Variants in SYT10 observed in about 807,000 individuals in gnomAD.
SYT10 encodes the protein synaptotagmin 10.
A neutral mutation model predicts 51.1 loss-of-function variants in SYT10; 31 were observed. The ratio of observed to expected loss-of-function variants is 0.61; its 90% confidence interval spans 0.46 to 0.82. The LOEUF (loss-of-function observed/expected upper bound fraction) is 0.82, where lower values mean the gene tolerates loss of function less well. Among genes scored for constraint, SYT10 ranks in the 40% least tolerant of loss-of-function variants. The pLI is 0.00. For missense variants in SYT10, 603 were observed against 634.0 expected, an observed-to-expected ratio of 0.95 and a Z score of 0.53; for synonymous variants, 233 against 225.9, an observed-to-expected ratio of 1.03 and a Z score of -0.28.
rs1591997278 is a variant in SYT10, at chr12:33,426,255, A to T, written c.392T>A (p.Ile131Lys). The change falls in exon 2 of 7, where the codon ATA becomes AAA. Residue 131 changes from isoleucine (I) to lysine (K), a missense_variant. Coordinates refer to ENST00000228567, the MANE Select transcript of SYT10 (RefSeq NM_198992.4). ...GTCAGGGGAAGTGTGGCTGATTTTT[A>T]TTGCAGGCTCAATAGCTTTTACGGC... ...KPAVKAIEPA[I>K]KISHTSPDIP... 6.2e-7 allele frequency: 1 copy of T among 1,613,968 alleles called. No individual in the cohort carries two copies. The highest frequency in any genetic ancestry group is 1.3e-5 in the African/African-American group (1 of 74,894).
intron 2 of SYT10, among the ~76,000 whole-genome samples, chr12:33,414,616 G>A (rs755975324): frequency 1.3e-5 from 2 of 152,188 alleles, no homozygotes; most frequent in Non-Finnish European, 2.9e-5. Context: ...AAATAAAGAG[G>A]TTCTTTGAAA....
chr12:33,438,128 G>A (rs900968176), intron 1 of SYT10, among the ~76,000 whole-genome samples: 1 of 152,088 alleles, frequency 6.6e-6, no homozygotes, highest in African/African-American at 2.4e-5. Context: ...TGGCTTTGAC[G>A]CAGGGGTGGT....
chr12:33,397,911 T>C (rs759986914), intron 3 of SYT10, among the ~76,000 whole-genome samples: 7 of 152,160 alleles, frequency 4.6e-5, no homozygotes, highest in South Asian at 2.1e-4. Context: ...TGGAAACCTA[T>C]TGCTTTGAGT....
intron 1 of SYT10, 44 bp from the exon 2 acceptor site, chr12:33,426,539 TAAA>T: frequency 7.1e-7 from 1 of 1,412,252 alleles, no homozygotes; most frequent in Non-Finnish European, 9.4e-7. Context: ...ATATTGTACA[TAAA>T]AAAGCAGAAA....
At position 33,376,501 on chromosome 12, in the gene SYT10, C is replaced by T; in HGVS notation, c.*329G>A. 3.7e-6 allele frequency: 1 copy of T among 270,644 alleles called. No homozygotes were observed. Among genetic ancestry groups the T allele is most frequent in the South Asian group, 6.6e-5 (1 of 15,160 alleles). The allele number at this position is 270,644 out of a possible 1,614,324, so 16.8% of individuals were successfully genotyped here. A position where few individuals can be genotyped will look rare whatever the true frequency, so the allele number is the denominator to read the frequency against. The stretch of plus-strand genomic sequence containing the variant: ...CTACTTTATACAATAGCAGCATAAA[C>T]TATATTTAATTTTAGGTAAGTATGA... On this transcript the variant is annotated 3_prime_UTR_variant, in exon 7 of 7. Coordinates refer to ENST00000228567, the MANE Select transcript of SYT10 (RefSeq NM_198992.4).
chr12:33,396,157 T>C (rs1384191312), intron 3 of SYT10, among the ~76,000 whole-genome samples: 2 of 152,162 alleles, frequency 1.3e-5, no homozygotes, highest in East Asian at 1.9e-4. Flanking sequence ...ACTTTTAAGG[T>C]AGTATGAAAA....
chr12:33,387,224 G>A (rs754503620), intron 3 of SYT10, among the ~76,000 whole-genome samples: 7 of 152,100 alleles, frequency 4.6e-5, no homozygotes, highest in African/African-American at 1.7e-4. Flanking sequence ...TCTAGAAGTC[G>A]TACAGACCAG....
intron 6 of SYT10, among the ~76,000 whole-genome samples, chr12:33,379,250 G>A (rs1758598830): frequency 6.6e-6 from 1 of 151,940 alleles, no homozygotes; most frequent in African/African-American, 2.4e-5. Context: ...TAACTTGCCC[G>A]AGGTTTCACA....
chr12:33,434,893 A>T (rs1866625679), intron 1 of SYT10, among the ~76,000 whole-genome samples: 1 of 152,234 alleles, frequency 6.6e-6, no homozygotes, highest in African/African-American at 2.4e-5. Flanking sequence ...ACAATAAACA[A>T]GCCCCTGACC....
chr12:33,396,223 C>T (rs1388993171), intron 3 of SYT10, among the ~76,000 whole-genome samples: 1 of 152,034 alleles, frequency 6.6e-6, no homozygotes, highest in Non-Finnish European at 1.5e-5. Context: ...GATCTCAGGT[C>T]ATGATTTAAG....
At position 33,379,840 on chromosome 12, in the gene SYT10, A is replaced by G. The variant is rs1315310987; in HGVS notation, c.1492T>C (p.Leu498=). The part of the protein sequence containing the change: ...HRKPITHWHP[L]LELPGRATSF... ...GGAACTCACAAGCTTACCTCCAGCAATGGGTGCCAGTGCGTTATTGGTTTT... is the reference window on the plus strand; with the variant it reads ...GGAACTCACAAGCTTACCTCCAGCAGTGGGTGCCAGTGCGTTATTGGTTTT... The change falls in exon 6 of 7, where the codon TTG becomes CTG. Residue 498 remains leucine (L), a synonymous_variant. Transcript: ENST00000228567. 2 of 1,613,754 alleles carry G rather than the reference A, an allele frequency of 1.2e-6. No homozygotes were observed. Among genetic ancestry groups the G allele is most frequent in the African/African-American group, 1.3e-5 (1 of 74,914 alleles).
intron 1 of SYT10, among the ~76,000 whole-genome samples, chr12:33,438,439 G>A (rs1413084775): frequency 6.6e-6 from 1 of 152,186 alleles, no homozygotes; most frequent in African/African-American, 2.4e-5. Context: ...GCGTGCGCCC[G>A]AGGAGCACAG....
chr12:33,436,276 T>C (rs547118695), intron 1 of SYT10, among the ~76,000 whole-genome samples: 5 of 152,314 alleles, frequency 3.3e-5, no homozygotes, highest in African/African-American at 1.2e-4. Flanking sequence ...GTATTTTCCC[T>C]AAGCATTCTA....
chr12:33,437,157 T>C (rs1163253521), intron 1 of SYT10, among the ~76,000 whole-genome samples: 2 of 152,226 alleles, frequency 1.3e-5, no homozygotes, highest in African/African-American at 4.8e-5. Flanking sequence ...GATTCGCAAA[T>C]GAAAAACGTA....
At chr12:33,424,074 T>G (rs1866528848) in intron 2 of SYT10, 1 of 450,134 alleles carries the variant, frequency 2.2e-6, no homozygotes, top group Admixed American at 2.4e-5. Flanking sequence ...AGCAAAACTC[T>G]GAATGTGTGT....
intron 1 of SYT10, 127 bp downstream of exon 1, chr12:33,439,245 G>A (rs556018652): frequency 1.6e-6 from 2 of 1,238,788 alleles, no homozygotes; most frequent in East Asian, 2.4e-5. Flanking sequence ...AAGGAGCGAG[G>A]TAGGAAAGCG....
intron 6 of SYT10, among the ~76,000 whole-genome samples, chr12:33,377,625 TTTTC>T (rs1388522731): frequency 2.0e-5 from 1 of 50,594 alleles, no homozygotes; most frequent in African/African-American, 2.2e-4. Context: ...TTCTTTTTCT[TTTTC>T]TTTTTTTTTT....
chr12:33,411,235 A>G (rs962897089), intron 2 of SYT10, among the ~76,000 whole-genome samples: 1 of 152,214 alleles, frequency 6.6e-6, no homozygotes. Flanking sequence ...ATAAAATATT[A>G]AAGTATCATT....
chr12:33,409,019 C>A (rs1415655505), intron 2 of SYT10, among the ~76,000 whole-genome samples: 2 of 151,948 alleles, frequency 1.3e-5, no homozygotes, highest in Admixed American at 6.6e-5. Flanking sequence ...TTTCTCTAGT[C>A]ACCTTCAGCT....
Sources: gnomAD v4.1 joint callset for allele counts (sites outside exome capture counted in the v4.1 genomes callset) on GRCh38, gnomAD v4.1.1 for gene constraint, MANE v1.5 for transcripts, NCBI Gene and HGNC (gene_info 2026-07-23, HGNC 2026-07-21) for gene names.